ZFC3H1: variants seen among roughly 807,000 people sequenced by gnomAD.
ZFC3H1 encodes zinc finger C3H1-type containing.
ZFC3H1 carries 71 observed loss-of-function variants against 243.7 expected under a neutral mutation model. That is an observed-to-expected ratio of 0.29 (90% confidence interval 0.24 to 0.36). ZFC3H1 has a LOEUF of 0.36. Ranked by LOEUF, ZFC3H1 falls within the 10% of genes least tolerant of loss-of-function variation. The pLI is 1.00. For synonymous variants in ZFC3H1, 838 were observed against 813.0 expected (o/e 1.03, Z -0.52); for missense variants, 1,966 against 2,317.1 (o/e 0.85, Z 3.11).
chr12:71,619,520 A>G lies in ZFC3H1; in HGVS notation c.5050-111T>C, dbSNP rs79781914. 7.4e-3 allele frequency: 7,411 copies of G among 997,792 alleles called. 325 individuals carry two copies. The African/African-American group carries it at 0.11, about 14-fold the overall frequency. The allele number at this position is 997,792 out of a possible 1,614,324, so 61.8% of individuals were successfully genotyped here. A position where few individuals can be genotyped will look rare whatever the true frequency, so the allele number is the denominator to read the frequency against. On this transcript the variant is annotated intron_variant, in intron 26 of 34. Transcript: ENST00000378743. ...AGTACTCATTAGATTAAGTTTCTTG[A>G]GTGGGTAAGGGGCGGAGGGGATAAG...
chr12:71,632,735 C>A, intron 14 of ZFC3H1, 151 bp downstream of exon 14: 1 of 1,295,662 alleles, frequency 7.7e-7, no homozygotes, highest in Non-Finnish European at 1.0e-6. Context: ...AGTAGACATC[C>A]AAAAATGTGG....
chr12:71,624,882 G>A (rs1148988), intron 22 of ZFC3H1, among the ~76,000 whole-genome samples: 76,969 of 152,006 alleles, frequency 0.51, 22,781 homozygotes, highest in Middle Eastern at 0.71. Context: ...CAGGAGGACC[G>A]CTTCAACCCA....
chr12:71,618,701 G>A (rs1263122724), intron 27 of ZFC3H1, among the ~76,000 whole-genome samples: 2 of 141,674 alleles, frequency 1.4e-5, no homozygotes, highest in Admixed American at 7.3e-5. Context: ...AGATGAGGAG[G>A]ACAAAGGAAA....
chr12:71,662,443 A>G (rs1332382422), intron 1 of ZFC3H1, among the ~76,000 whole-genome samples: 2 of 152,174 alleles, frequency 1.3e-5, no homozygotes, highest in Non-Finnish European at 2.9e-5. Context: ...AAATGAATCA[A>G]AAAGCTCTGA....
intron 16 of ZFC3H1, 38 bp downstream of exon 16, chr12:71,631,740 A>G (rs1237433079): frequency 6.6e-7 from 1 of 1,512,468 alleles, no homozygotes. Context: ...CCAAACAGAA[A>G]TCCTGAAATT....
chr12:71,635,435 G>C lies in ZFC3H1; in HGVS notation c.2238+8C>G, dbSNP rs1336339638. On this transcript the variant is annotated splice_region_variant and intron_variant, in intron 10 of 34. Coordinates refer to ENST00000378743, the MANE Select transcript of ZFC3H1 (RefSeq NM_144982.5). ...ATCTTTCTTTCCACCTTTAATTATT[G>C]CACTTACCTCAGCAGTTCGTCTTGC... 1 of 1,562,936 alleles carries C rather than the reference G, an allele frequency of 6.4e-7. No homozygotes were observed. Among genetic ancestry groups the C allele is most frequent in the Non-Finnish European group, 8.6e-7 (1 of 1,162,924 alleles).
chr12:71,650,105 G>C (rs1565825636), intron 2 of ZFC3H1, among the ~76,000 whole-genome samples: 1 of 152,130 alleles, frequency 6.6e-6, no homozygotes, highest in African/African-American at 2.4e-5. Context: ...GAATAATGGT[G>C]TGAACCTGGG....
chr12:71,614,010 CA>C (rs1879836252), intron 30 of ZFC3H1, among the ~76,000 whole-genome samples: 1 of 152,064 alleles, frequency 6.6e-6, no homozygotes. Flanking sequence ...AAGATAATCA[CA>C]AAACTATATC....
intron 25 of ZFC3H1, 27 bp downstream of exon 25, chr12:71,620,183 G>C (rs750142331): frequency 6.2e-7 from 1 of 1,613,780 alleles, no homozygotes; most frequent in Non-Finnish European, 8.5e-7. Flanking sequence ...TTAATATAAG[G>C]TTAGCTGCTT....
At chr12:71,642,815 C>A (rs997679067) in intron 5 of ZFC3H1, among the ~76,000 whole-genome samples, 50 of 152,234 alleles carry the variant, frequency 3.3e-4, no homozygotes, top group African/African-American at 1.2e-3. Context: ...GTTAGCTGAG[C>A]CACTAAATAA....
At chr12:71,638,307 G>C (rs1488869885) in intron 7 of ZFC3H1, 111 bp downstream of exon 7, 1 of 1,010,150 alleles carries the variant, frequency 9.9e-7, no homozygotes, top group African/African-American at 1.7e-5. Flanking sequence ...ATTAATTCTT[G>C]GTAAGCAATT....
chr12:71,626,219 C>T, intron 22 of ZFC3H1, 41 bp downstream of exon 22: 2 of 1,589,414 alleles, frequency 1.3e-6, no homozygotes, highest in Non-Finnish European at 8.6e-7. Context: ...TACACACACA[C>T]ACACACACAC....
At chr12:71,656,575 T>G in intron 2 of ZFC3H1, 2 of 637,564 alleles carry the variant, frequency 3.1e-6, no homozygotes, top group Middle Eastern at 3.0e-4. Flanking sequence ...TACAAAAAAA[T>G]TAACATCATA....
chr12:71,613,633 A>G, intron 30 of ZFC3H1, 198 bp from the exon 31 acceptor site: 1 of 449,528 alleles, frequency 2.2e-6, no homozygotes, highest in Non-Finnish European at 4.0e-6. Flanking sequence ...AATATGGTCT[A>G]GTGATGAGAG....
At chr12:71,652,336 C>T (rs1880910590) in intron 2 of ZFC3H1, among the ~76,000 whole-genome samples, 2 of 152,098 alleles carry the variant, frequency 1.3e-5, no homozygotes, top group Admixed American at 6.5e-5. Context: ...AATAGCCCAC[C>T]CAACGTTTAA....
chr12:71,626,241 CGTT>C lies in ZFC3H1; in HGVS notation c.4317+16_4317+18del. On this transcript the variant is annotated intron_variant, in intron 22 of 34. Coordinates refer to ENST00000378743, the MANE Select transcript of ZFC3H1 (RefSeq NM_144982.5). ...ACACACACACACACACACACACGTA[CGTT>C]ATCTTTTCTACTCACAGTCCAAAAG... is the stretch of plus-strand genomic sequence containing the variant. 6.3e-7 allele frequency: 1 copy of C among 1,594,280 alleles called. No individual in the cohort carries two copies. Among genetic ancestry groups the C allele is most frequent in the Non-Finnish European group, 8.6e-7 (1 of 1,164,790 alleles).
intron 27 of ZFC3H1, among the ~76,000 whole-genome samples, chr12:71,618,731 C>T (rs1879952370): frequency 6.6e-6 from 1 of 152,028 alleles, no homozygotes; most frequent in African/African-American, 2.4e-5. Flanking sequence ...AAGAGCCTCC[C>T]CCCAAAAAAT....
chr12:71,646,007 C>A (rs549188152), intron 3 of ZFC3H1, among the ~76,000 whole-genome samples: 2 of 152,204 alleles, frequency 1.3e-5, no homozygotes, highest in Non-Finnish European at 2.9e-5. Context: ...AAAAAAGATT[C>A]CAAAAGATTA....
chr12:71,653,218 A>C (rs1049129481), intron 2 of ZFC3H1, among the ~76,000 whole-genome samples: 1 of 152,178 alleles, frequency 6.6e-6, no homozygotes, highest in Non-Finnish European at 1.5e-5. Context: ...AACAAAACAA[A>C]AATGAAATAG....
Sources: gnomAD v4.1 joint callset for allele counts (sites outside exome capture counted in the v4.1 genomes callset) on GRCh38, gnomAD v4.1.1 for gene constraint, MANE v1.5 for transcripts, NCBI Gene and HGNC (gene_info 2026-07-23, HGNC 2026-07-21) for gene names.